The following COL19A1 variants were observed in gnomAD, a reference collection of about 807,000 sequenced individuals.
COL19A1 encodes collagen alpha-1(XIX) chain.
A neutral mutation model predicts 190.2 loss-of-function variants in COL19A1; 159 were observed. The ratio of observed to expected loss-of-function variants is 0.84; its 90% CI spans 0.73 to 0.95. COL19A1 has a LOEUF of 0.95. COL19A1 is among the 40% of genes least tolerant of loss of function. COL19A1 has a pLI of 0.00. For synonymous variants in COL19A1, 509 were observed against 458.9 expected (o/e 1.11, Z -1.39); for missense variants, 1,418 against 1,431.9 (o/e 0.99, Z 0.16).
chr6:69,938,048 G>C lies in COL19A1; in HGVS notation c.884G>C (p.Gly295Ala). ...TGCATTTTTGCTCAGGGAGAAGCAGGATTACCAGGAGCTCCGGGTTCACCT... is the reference window on the plus strand; with the variant it reads ...TGCATTTTTGCTCAGGGAGAAGCAGCATTACCAGGAGCTCCGGGTTCACCT... ...CQCIPNKGEA[G>A]LPGAPGSPGQ... The change falls in exon 9 of 51, where the codon GGA becomes GCA. Residue 295 changes from glycine (G) to alanine (A), a missense_variant. Gly to Ala is a moderately conservative substitution (Grantham distance 60). Coordinates refer to ENST00000620364, the MANE Select transcript of COL19A1 (RefSeq NM_001858.6). 6.2e-7 allele frequency: 1 copy of C among 1,612,696 alleles called. No individual in the cohort carries two copies. The highest frequency in any genetic ancestry group is 8.5e-7 in the Non-Finnish European group (1 of 1,179,136).
intron 49 of COL19A1, among the ~76,000 whole-genome samples, chr6:70,206,485 G>T (rs1311207155): frequency 6.6e-6 from 1 of 152,022 alleles, no homozygotes; most frequent in African/African-American, 2.4e-5. Flanking sequence ...AAAAAAAATA[G>T]CCAGGAGTGG....
At chr6:69,972,700 A>T (rs1433857495) in intron 11 of COL19A1, among the ~76,000 whole-genome samples, 2 of 152,198 alleles carry the variant, frequency 1.3e-5, no homozygotes, top group Non-Finnish European at 2.9e-5. Context: ...AAACATTAAT[A>T]TATTTAATAG....
intron 14 of COL19A1, among the ~76,000 whole-genome samples, chr6:70,061,996 GT>G (rs1327803226): frequency 6.6e-6 from 1 of 151,652 alleles, no homozygotes; most frequent in East Asian, 1.9e-4. Flanking sequence ...CATTTGGCAG[GT>G]TTTGTTGTTT....
At chr6:70,030,334 T>C (rs1466850019) in intron 12 of COL19A1, among the ~76,000 whole-genome samples, 1 of 152,118 alleles carries the variant, frequency 6.6e-6, no homozygotes, top group Non-Finnish European at 1.5e-5. Flanking sequence ...CAAAATAATA[T>C]ATATAACATA....
At chr6:69,977,005 C>T (rs1013270022) in intron 11 of COL19A1, among the ~76,000 whole-genome samples, 4 of 152,238 alleles carry the variant, frequency 2.6e-5, no homozygotes, top group East Asian at 1.9e-4. Flanking sequence ...GTCAGTGTGG[C>T]GATTCCTCAG....
intron 10 of COL19A1, among the ~76,000 whole-genome samples, chr6:69,962,081 T>TTCTA (rs1444552516): frequency 6.6e-6 from 1 of 152,156 alleles, no homozygotes; most frequent in East Asian, 1.9e-4. Flanking sequence ...AACATTCACT[T>TTCTA]GCTAGCTATG....
intron 34 of COL19A1, among the ~76,000 whole-genome samples, chr6:70,159,423 T>TACAC (rs146845787): frequency 0.06 from 8,940 of 148,850 alleles, 275 homozygotes; most frequent in African/African-American, 0.081. Context: ...CACATACACA[T>TACAC]ACACACACAC....
At chr6:70,087,270 A>G (rs1004406113) in intron 15 of COL19A1, among the ~76,000 whole-genome samples, 1 of 152,192 alleles carries the variant, frequency 6.6e-6, no homozygotes, top group Non-Finnish European at 1.5e-5. Context: ...ATGGTGATAC[A>G]TGCAACCAAG....
chr6:69,883,009 A>C (rs1426913099), intron 2 of COL19A1, among the ~76,000 whole-genome samples: 1 of 152,230 alleles, frequency 6.6e-6, no homozygotes, highest in Non-Finnish European at 1.5e-5. Context: ...CAATGATTAG[A>C]TAAATAATGT....
intron 40 of COL19A1, 93 bp from the exon 41 acceptor site, chr6:70,171,871 G>A: frequency 9.4e-7 from 1 of 1,064,822 alleles, no homozygotes; most frequent in Non-Finnish European, 1.4e-6. Context: ...GTTTGGGGTG[G>A]GAAGGTTAAG....
intron 16 of COL19A1, among the ~76,000 whole-genome samples, chr6:70,112,158 G>T (rs1167123909): frequency 1.3e-5 from 2 of 152,148 alleles, no homozygotes; most frequent in Non-Finnish European, 2.9e-5. Context: ...GTGGCATATT[G>T]AAAAATTCCT....
intron 8 of COL19A1, 132 bp downstream of exon 8, chr6:69,937,042 G>T (rs1399067080): frequency 7.0e-6 from 9 of 1,281,426 alleles, no homozygotes; most frequent in Middle Eastern, 4.0e-4. Context: ...CAGTTACTGG[G>T]GTGGGTTAAG....
intron 11 of COL19A1, among the ~76,000 whole-genome samples, chr6:69,980,154 A>G (rs116634019): frequency 0.013 from 1,971 of 152,122 alleles, 39 homozygotes; most frequent in African/African-American, 0.045. Context: ...TTTAGGGTGA[A>G]CTTGCTTTAC....
At chr6:70,010,184 T>C (rs1194039754) in intron 11 of COL19A1, among the ~76,000 whole-genome samples, 1 of 152,098 alleles carries the variant, frequency 6.6e-6, no homozygotes, top group Non-Finnish European at 1.5e-5. Flanking sequence ...TAAAATGACT[T>C]TTATCCAGAA....
In COL19A1 at chr6:70,156,737, T is replaced by G. The variant is rs1370349900; in HGVS notation, c.2292+14T>G. On this transcript the variant is annotated intron_variant, in intron 34 of 50. Coordinates refer to ENST00000620364, the MANE Select transcript of COL19A1 (RefSeq NM_001858.6). ...AAAGGCGATGAGGTAACAGATTCTT[T>G]TCTGATTATATAGTCCTAATATTGA... The G allele has an allele frequency of 2.5e-6, 4 of 1,600,756 alleles. No individual in the cohort carries two copies. The highest frequency in any genetic ancestry group is 2.6e-6 in the Non-Finnish European group (3 of 1,170,262).
intron 15 of COL19A1, among the ~76,000 whole-genome samples, chr6:70,086,894 T>A (rs1477433281): frequency 6.6e-6 from 1 of 152,232 alleles, no homozygotes; most frequent in African/African-American, 2.4e-5. Flanking sequence ...GAGCACCTAT[T>A]GTTTGCCAGA....
intron 11 of COL19A1, among the ~76,000 whole-genome samples, chr6:70,017,385 T>C (rs1398731453): frequency 2.0e-5 from 3 of 152,124 alleles, no homozygotes; most frequent in Non-Finnish European, 4.4e-5. Flanking sequence ...GATGGAAGTA[T>C]TTTAGTCTTA....
At chr6:70,002,304 A>G (rs190226550) in intron 11 of COL19A1, among the ~76,000 whole-genome samples, 108 of 152,284 alleles carry the variant, frequency 7.1e-4, no homozygotes, top group African/African-American at 2.5e-3. Context: ...GATGTTCATC[A>G]GGGATATTGG....
rs1353707577 is a variant in COL19A1 at position 70,211,150 on chromosome 6, T to G, written c.*3876T>G. 6.6e-6 allele frequency among the ~76,000 whole-genome samples: 1 copy of G among 152,192 alleles called. No individual in the cohort carries two copies. Among genetic ancestry groups the G allele is most frequent in the Non-Finnish European group, 1.5e-5 (1 of 67,996 alleles). On this transcript the variant is annotated 3_prime_UTR_variant, in exon 51 of 51. Coordinates refer to ENST00000620364, the MANE Select transcript of COL19A1 (RefSeq NM_001858.6). ...ATGTTGCTCAGTGTACTTAAAATTT[T>G]ACAGTTATATTTGTATAACGTTTAT...
Sources: gnomAD v4.1 joint callset for allele counts (sites outside exome capture counted in the v4.1 genomes callset) on GRCh38, gnomAD v4.1.1 for gene constraint, MANE v1.5 for transcripts, NCBI Gene and HGNC (gene_info 2026-07-23, HGNC 2026-07-21) for gene names.